Variants in AHI1 observed in about 807,000 individuals in gnomAD.
AHI1 encodes the protein jouberin.
Under a neutral mutation model 149.3 loss-of-function variants are expected in AHI1, and 123 were observed. That is an observed-to-expected ratio of 0.82 (90% CI 0.71 to 0.96). AHI1 has a LOEUF of 0.96. AHI1 is among the 40% of genes least tolerant of loss of function. The pLI, the probability that AHI1 is intolerant of heterozygous loss-of-function variation, is 0.00. For synonymous variants in AHI1, 475 were observed against 459.8 expected, an observed-to-expected ratio of 1.03 and a Z score of -0.42; for missense variants, 1,439 against 1,422.7, an observed-to-expected ratio of 1.01 and a Z score of -0.18.
rs559267315 is a variant in AHI1, at chr6:135,330,096, C to A, written c.3166-6772G>T. On this transcript the variant is annotated intron_variant, in intron 24 of 28. Transcript: ENST00000265602. The stretch of plus-strand genomic sequence containing the variant: ...CCTCGTGAAGATGCTGTGACTCTTG[C>A]TGAAATAACAGAGGATTTAGAATAT... Among the ~76,000 whole-genome samples, 4 of 152,312 alleles carry A rather than the reference C, an allele frequency of 2.6e-5. No individual in the cohort carries two copies. The South Asian group carries it at 8.3e-4, about 32-fold the overall frequency.
chr6:135,408,110 C>G (rs1781061596), intron 21 of AHI1, among the ~76,000 whole-genome samples: 1 of 151,648 alleles, frequency 6.6e-6, no homozygotes, highest in Non-Finnish European at 1.5e-5. Flanking sequence ...TTTCATTTAT[C>G]TGAGGATGAC....
chr6:135,302,781 A>G, intron 26 of AHI1: 1 of 1,289,006 alleles, frequency 7.8e-7, no homozygotes, highest in Non-Finnish European at 1.0e-6. Flanking sequence ...AGGGGGAAGA[A>G]GGAGGTGTCT....
intron 27 of AHI1, among the ~76,000 whole-genome samples, chr6:135,292,148 A>G (rs1782444143): frequency 6.6e-6 from 1 of 152,116 alleles, no homozygotes; most frequent in African/African-American, 2.4e-5. Context: ...ACAAACACAC[A>G]CACACAAAGA....
At chr6:135,426,031 T>C (rs1246197841) in intron 20 of AHI1, among the ~76,000 whole-genome samples, 2 of 151,774 alleles carry the variant, frequency 1.3e-5, no homozygotes, top group East Asian at 3.8e-4. Flanking sequence ...TAAAGTACTT[T>C]GGTATAACTC....
intron 9 of AHI1, among the ~76,000 whole-genome samples, chr6:135,456,991 C>T (rs1198342516): frequency 6.6e-6 from 1 of 152,172 alleles, no homozygotes; most frequent in East Asian, 1.9e-4. Context: ...TTATTCCCTT[C>T]CACTTAAAAG....
chr6:135,313,510 G>T (rs984490642), intron 26 of AHI1, among the ~76,000 whole-genome samples: 2 of 152,190 alleles, frequency 1.3e-5, no homozygotes, highest in Non-Finnish European at 2.9e-5. Context: ...GGATTAGCCT[G>T]AAGTAGACCT....
chr6:135,398,097 T>G lies in AHI1; in HGVS notation c.2989-3201A>C, dbSNP rs188303549. ...TTTTTTTTTGCAAATCATGTATCTG[T>G]TGTAAAAATTAAAATATCAGTATTA... is the stretch of plus-strand genomic sequence containing the variant. On this transcript the variant is annotated intron_variant, in intron 22 of 28. Coordinates refer to ENST00000265602, the MANE Select transcript of AHI1 (RefSeq NM_001134831.2). 4.9e-4 allele frequency among the ~76,000 whole-genome samples: 72 copies of G among 148,158 alleles called. 3 individuals are homozygous for G. The East Asian group carries it at 0.014, about 29-fold the overall frequency.
chr6:135,336,414 A>G (rs1166403411), intron 24 of AHI1, among the ~76,000 whole-genome samples: 1 of 152,028 alleles, frequency 6.6e-6, no homozygotes, highest in Non-Finnish European at 1.5e-5. Flanking sequence ...CCTAGACAAC[A>G]TGGTGAAACC....
rs967885917 is a variant in AHI1 at position 135,460,508 on chromosome 6, T to C, written c.931+2617A>G. Among the ~76,000 whole-genome samples the C allele has an allele frequency of 2.6e-5, 4 of 152,162 alleles. No individual in the cohort carries two copies. In the South Asian group the frequency reaches 6.2e-4, roughly 24 times the overall value. ...AGAGAGTTGTTATGCTGTGACTCTT[T>C]AGATTCACCCAGTCTAGATCAAAAT... On this transcript the variant is annotated intron_variant, in intron 8 of 28. Transcript: ENST00000265602.
Position 135,407,473 on chromosome 6 carries a change from G to A in AHI1, c.2962-2496C>T, listed in dbSNP as rs371432940. 7.9e-5 allele frequency among the ~76,000 whole-genome samples: 12 copies of A among 152,164 alleles called. 1 individual carries two copies. Among genetic ancestry groups the A allele is most frequent in the East Asian group, 1.9e-4 (1 of 5,180 alleles). ...TCTGAAAGAAAATACATTGCAGATAGCATCAGAAAAATAAATTCAGTGAAT... is the reference window on the plus strand; with the variant it reads ...TCTGAAAGAAAATACATTGCAGATAACATCAGAAAAATAAATTCAGTGAAT... On this transcript the variant is annotated intron_variant, in intron 21 of 28. Coordinates refer to ENST00000265602, the MANE Select transcript of AHI1 (RefSeq NM_001134831.2).
chr6:135,314,734 G>C (rs767939218), intron 26 of AHI1, among the ~76,000 whole-genome samples: 5 of 152,120 alleles, frequency 3.3e-5, no homozygotes, highest in Non-Finnish European at 5.9e-5. Flanking sequence ...TGAACCATGA[G>C]AGCCGGGAGT....
chr6:135,438,858 A>G (rs1363131464), intron 14 of AHI1, among the ~76,000 whole-genome samples: 9 of 152,162 alleles, frequency 5.9e-5, no homozygotes, highest in Admixed American at 5.9e-4. Context: ...ATTTCACCTG[A>G]AAATCAACTA....
At chr6:135,385,592 T>C (rs981265858) in intron 23 of AHI1, among the ~76,000 whole-genome samples, 7 of 152,208 alleles carry the variant, frequency 4.6e-5, no homozygotes, top group African/African-American at 1.7e-4. Context: ...ATTAGAAACA[T>C]CTGTCTGAAA....
At chr6:135,428,546 A>T in intron 19 of AHI1, 83 bp downstream of exon 19, 1 of 1,377,080 alleles carries the variant, frequency 7.3e-7, no homozygotes, top group South Asian at 2.1e-5. Flanking sequence ...CTTGAAAATT[A>T]TTCCATAAAA....
At chr6:135,405,875 GAAAAAA>G (rs561001090) in intron 21 of AHI1, among the ~76,000 whole-genome samples, 3 of 109,142 alleles carry the variant, frequency 2.7e-5, no homozygotes, top group Non-Finnish European at 5.9e-5. Flanking sequence ...AAAAAAAAAA[GAAAAAA>G]AAAAGAAAAA....
chr6:135,425,654 A>G (rs999256456), intron 20 of AHI1, among the ~76,000 whole-genome samples: 7 of 151,828 alleles, frequency 4.6e-5, no homozygotes, highest in African/African-American at 1.4e-4. Context: ...ATGGAGCTTC[A>G]GGAAGGCAAG....
chr6:135,317,753 C>CG (rs1408196257), intron 26 of AHI1, among the ~76,000 whole-genome samples: 1 of 152,038 alleles, frequency 6.6e-6, no homozygotes, highest in Non-Finnish European at 1.5e-5. Context: ...GAATGATATA[C>CG]GTCAGGTTCA....
In AHI1 at chr6:135,431,310, A is replaced by T. The variant is rs1217388287; in HGVS notation, c.2271T>A (p.His757Gln). 2 of 1,579,818 alleles carry T rather than the reference A, an allele frequency of 1.3e-6. No homozygotes were observed. Among genetic ancestry groups the T allele is most frequent in the Non-Finnish European group, 1.7e-6 (2 of 1,155,308 alleles). Reference protein sequence around the residue: ...INSLCFDTEGHHMYSGDCTGV... With the variant: ...INSLCFDTEGQHMYSGDCTGV... ...CTGTACAATCTCCTGAATACATATG[A>T]TGACCTATTTAAAAAAATAAGATCA... Residue 757 changes from histidine to glutamine, a missense_variant, in exon 17 of 29, where the codon CAT becomes CAA. Coordinates refer to ENST00000265602, the MANE Select transcript of AHI1 (RefSeq NM_001134831.2).
chr6:135,496,819 T>G (rs1461856504), intron 2 of AHI1, among the ~76,000 whole-genome samples: 1 of 152,256 alleles, frequency 6.6e-6, no homozygotes, highest in African/African-American at 2.4e-5. Context: ...AACAAGATTC[T>G]AACTTCATAA....
Sources: allele counts gnomAD v4.1 joint callset (sites outside exome capture counted in the v4.1 genomes callset), GRCh38; gene constraint gnomAD v4.1.1; transcripts MANE v1.5; gene names NCBI Gene and HGNC (gene_info 2026-07-23, HGNC 2026-07-21).